Variants in CLYBL observed in about 807,000 individuals in gnomAD.
CLYBL encodes citramalyl-CoA lyase, also known as citramalyl-CoA lyase, mitochondrial.
In CLYBL, 31 loss-of-function variants were observed where a neutral mutation model predicts 38.9. The observed-to-expected ratio is 0.80, with a 90% CI of 0.60 to 1.08. The LOEUF (loss-of-function observed/expected upper bound fraction) is 1.08, where lower values mean the gene tolerates loss of function less well. Among genes scored for constraint, CLYBL ranks in the 50% least tolerant of loss-of-function variants. The pLI is 0.00. For synonymous variants in CLYBL, 171 were observed against 158.6 expected, an observed-to-expected ratio of 1.08 and a Z score of -0.59; for missense variants, 434 against 411.6, an observed-to-expected ratio of 1.05 and a Z score of -0.47.
intron 2 of CLYBL, among the ~76,000 whole-genome samples, chr13:99,819,450 AT>A (rs1566340209): frequency 0.096 from 8,140 of 84,586 alleles, 773 homozygotes; most frequent in East Asian, 0.17. Flanking sequence ...ATATATATAT[AT>A]ATATATATAT....
At chr13:99,782,403 G>A (rs1427220917) in intron 2 of CLYBL, among the ~76,000 whole-genome samples, 1 of 152,092 alleles carries the variant, frequency 6.6e-6, no homozygotes, top group East Asian at 1.9e-4. Flanking sequence ...CCCTCAGGAG[G>A]CTAAGACAGG....
intron 1 of CLYBL, among the ~76,000 whole-genome samples, chr13:99,655,996 G>T (rs1021646727): frequency 1.3e-5 from 2 of 152,202 alleles, no homozygotes; most frequent in African/African-American, 2.4e-5. Context: ...CTTGGAGCCA[G>T]CCCTTTTAAG....
At chr13:99,842,930 A>G (rs987503301) in intron 2 of CLYBL, among the ~76,000 whole-genome samples, 7 of 150,446 alleles carry the variant, frequency 4.7e-5, no homozygotes, top group Non-Finnish European at 7.4e-5. Flanking sequence ...TGCGGGGGGA[A>G]AAAAAGGCAT....
intron 1 of CLYBL, among the ~76,000 whole-genome samples, chr13:99,759,957 T>C: frequency 6.6e-6 from 1 of 152,248 alleles, no homozygotes; most frequent in East Asian, 1.9e-4. Context: ...TTTTATTGGC[T>C]TAAGTCAATT....
chr13:99,721,314 G>C (rs558447515), intron 1 of CLYBL, among the ~76,000 whole-genome samples: 1 of 152,046 alleles, frequency 6.6e-6, no homozygotes, highest in Admixed American at 6.5e-5. Flanking sequence ...AAAGTGCTGG[G>C]ATTACAGGTG....
At position 99,637,406 on chromosome 13, in the gene CLYBL, A is replaced by G. The variant is rs143991786; in HGVS notation, c.62+30649A>G. On this transcript the variant is annotated intron_variant, in intron 1 of 8. Transcript: ENST00000339105. Reference sequence around the variant, plus strand: ...AAATCCAGTCTTTCCAGCATATTGCATATTCCCTGTCTTGCCAGTGAAATG... The same window carrying G: ...AAATCCAGTCTTTCCAGCATATTGCGTATTCCCTGTCTTGCCAGTGAAATG... Among the ~76,000 whole-genome samples, 196 of 152,352 alleles carry G rather than the reference A, an allele frequency of 1.3e-3. 2 individuals carry two copies. The highest frequency in any genetic ancestry group is 4.6e-3 in the African/African-American group (190 of 41,582).
chr13:99,692,295 T>G (rs1160218258), intron 1 of CLYBL, among the ~76,000 whole-genome samples: 1 of 135,596 alleles, frequency 7.4e-6, no homozygotes, highest in Non-Finnish European at 1.7e-5. Context: ...TGTTTTTTTT[T>G]TTTTGTTTGT....
At chr13:99,741,845 A>G (rs896652785) in intron 1 of CLYBL, among the ~76,000 whole-genome samples, 1 of 152,244 alleles carries the variant, frequency 6.6e-6, no homozygotes, top group African/African-American at 2.4e-5. Context: ...GAGTTTTACA[A>G]TGAGAGCTTT....
At chr13:99,730,656 G>T (rs1188504006) in intron 1 of CLYBL, among the ~76,000 whole-genome samples, 1 of 152,142 alleles carries the variant, frequency 6.6e-6, no homozygotes, top group African/African-American at 2.4e-5. Flanking sequence ...GACAGGAGCT[G>T]AAGGCCAGAG....
chr13:99,684,833 G>A (rs997274071), intron 1 of CLYBL, among the ~76,000 whole-genome samples: 1 of 152,134 alleles, frequency 6.6e-6, no homozygotes, highest in Non-Finnish European at 1.5e-5. Context: ...TGAACCAAAG[G>A]TTACTGTATT....
chr13:99,796,964 A>G (rs2138919067), intron 2 of CLYBL, among the ~76,000 whole-genome samples: 1 of 152,328 alleles, frequency 6.6e-6, no homozygotes, highest in Admixed American at 6.5e-5. Context: ...CCCATTGCTT[A>G]CCAGGGTGCC....
intron 1 of CLYBL, among the ~76,000 whole-genome samples, chr13:99,642,208 C>T (rs1192150302): frequency 2.0e-5 from 3 of 152,156 alleles, no homozygotes; most frequent in African/African-American, 7.2e-5. Context: ...GCGGTGGCCT[C>T]AGCCCTGTGC....
At chr13:99,618,070 C>T (rs539436753) in intron 1 of CLYBL, among the ~76,000 whole-genome samples, 53 of 152,142 alleles carry the variant, frequency 3.5e-4, no homozygotes, top group Non-Finnish European at 4.6e-4. Flanking sequence ...ACCCCAGCCC[C>T]CAGATATTCA....
intron 1 of CLYBL, among the ~76,000 whole-genome samples, chr13:99,718,361 A>G (rs1263528182): frequency 6.7e-6 from 1 of 149,536 alleles, no homozygotes; most frequent in African/African-American, 2.5e-5. Flanking sequence ...CTCCCCTGAT[A>G]GATTAAAAAA....
chr13:99,854,035 G>A (rs2051395945), intron 2 of CLYBL, among the ~76,000 whole-genome samples: 1 of 152,174 alleles, frequency 6.6e-6, no homozygotes, highest in Non-Finnish European at 1.5e-5. Context: ...TGAATACGTG[G>A]CATGGCAATT....
chr13:99,750,118 A>G (rs1288694109), intron 1 of CLYBL, among the ~76,000 whole-genome samples: 2 of 152,230 alleles, frequency 1.3e-5, no homozygotes, highest in Non-Finnish European at 2.9e-5. Context: ...CCCACAGGCC[A>G]TACAACACAG....
intron 1 of CLYBL, among the ~76,000 whole-genome samples, chr13:99,721,795 C>T (rs1403554648): frequency 1.3e-5 from 2 of 152,036 alleles, no homozygotes; most frequent in African/African-American, 4.8e-5. Context: ...TGACCCTTGG[C>T]GTGGTAGGTT....
At chr13:99,717,886 T>C (rs907341762) in intron 1 of CLYBL, among the ~76,000 whole-genome samples, 1 of 152,196 alleles carries the variant, frequency 6.6e-6, no homozygotes, top group African/African-American at 2.4e-5. Flanking sequence ...TTTAATAACA[T>C]AGGATCACTT....
chr13:99,724,563 T>G lies in CLYBL; in HGVS notation c.63-48261T>G, dbSNP rs551415646. On this transcript the variant is annotated intron_variant, in intron 1 of 8. Transcript: ENST00000339105. ...AAAAAAAAAAAGAATGGATCCCAAG[T>G]TGGTCTTGGCAAAACTTTCTGGTGT... Among the ~76,000 whole-genome samples, 211 of 151,158 alleles carry G rather than the reference T, an allele frequency of 1.4e-3. 1 individual carries two copies. Among genetic ancestry groups the G allele is most frequent in the African/African-American group, 4.9e-3 (201 of 41,192 alleles).
Sources: gnomAD v4.1 joint callset for allele counts (sites outside exome capture counted in the v4.1 genomes callset) on GRCh38, gnomAD v4.1.1 for gene constraint, MANE v1.5 for transcripts, NCBI Gene and HGNC (gene_info 2026-07-23, HGNC 2026-07-21) for gene names.